Variants in LRFN2 observed in about 807,000 individuals in gnomAD.
LRFN2 encodes the protein leucine-rich repeat and fibronectin type-III domain-containing protein 2.
LRFN2 carries 18 observed loss-of-function variants against 37.3 expected under a neutral mutation model. The observed-to-expected ratio is 0.48, with a 90% CI of 0.33 to 0.72. The LOEUF is 0.72. Ranked by LOEUF, LRFN2 falls within the 30% of genes least tolerant of loss-of-function variation. The pLI, the probability that LRFN2 is intolerant of heterozygous loss-of-function variation, is 0.02. For missense variants in LRFN2, 1,006 were observed against 1,060.7 expected (o/e 0.95, Z 0.72); for synonymous variants, 556 against 466.6 (o/e 1.19, Z -2.47).
At position 40,494,385 on chromosome 6, in the gene LRFN2, G is replaced by A. The variant is rs1765172276; in HGVS notation, c.-18-61254C>T. Among the ~76,000 whole-genome samples, 3 of 152,160 alleles carry A rather than the reference G, an allele frequency of 2.0e-5. No homozygotes were observed. In the South Asian group the frequency reaches 6.2e-4, roughly 32 times the overall value. ...GTTTCCCCACCCCCGTTTCCAAAAG[G>A]TAGGGCTTCTTTCTTCTATTTAAGC... On this transcript the variant is annotated intron_variant, in intron 1 of 2. Coordinates refer to ENST00000338305, the MANE Select transcript of LRFN2 (RefSeq NM_020737.3).
chr6:40,553,967 G>T (rs527898878), intron 1 of LRFN2, among the ~76,000 whole-genome samples: 1 of 152,152 alleles, frequency 6.6e-6, no homozygotes, highest in Non-Finnish European at 1.5e-5. Context: ...CAGAGAGGCC[G>T]CTGTCTCTCC....
intron 2 of LRFN2, among the ~76,000 whole-genome samples, chr6:40,403,053 T>C (rs1237805756): frequency 6.6e-6 from 1 of 152,166 alleles, no homozygotes; most frequent in Non-Finnish European, 1.5e-5. Flanking sequence ...AGGTAGTAGA[T>C]AGGAGCCAGG....
intron 1 of LRFN2, among the ~76,000 whole-genome samples, chr6:40,435,052 TAGAGAGAGAGAGAGAGAG>T (rs1202054790): frequency 2.7e-3 from 103 of 37,530 alleles, no homozygotes; most frequent in African/African-American, 9.2e-3. Context: ...TATATATATA[TAGAGAGAGAGAGAGAGAG>T]AGAGAGAGAG....
intron 1 of LRFN2, among the ~76,000 whole-genome samples, chr6:40,499,971 A>G (rs1765333621): frequency 6.6e-6 from 1 of 152,254 alleles, no homozygotes; most frequent in Non-Finnish European, 1.5e-5. Flanking sequence ...TATGTATTTC[A>G]ATAGAGGAAG....
chr6:40,401,595 C>A (rs1384190461), intron 2 of LRFN2, among the ~76,000 whole-genome samples: 1 of 152,156 alleles, frequency 6.6e-6, no homozygotes, highest in Non-Finnish European at 1.5e-5. Context: ...CCTCCCCTGA[C>A]TAACAGACAC....
rs375540061 is a variant in LRFN2, at chr6:40,457,130, G to T, written c.-18-23999C>A. On this transcript the variant is annotated intron_variant, in intron 1 of 2. Coordinates refer to ENST00000338305, the MANE Select transcript of LRFN2 (RefSeq NM_020737.3). The stretch of plus-strand genomic sequence containing the variant: ...ATACCTGTTCTAATTCCTAGTCTCT[G>T]CTCACTAAGAATATCATCACCATAT... Among the ~76,000 whole-genome samples, 6 of 150,598 alleles carry T rather than the reference G, an allele frequency of 4.0e-5. No homozygotes were observed. In the East Asian group the frequency reaches 1.2e-3, roughly 30 times the overall value.
intron 1 of LRFN2, among the ~76,000 whole-genome samples, chr6:40,499,582 G>C (rs1765321981): frequency 6.6e-6 from 1 of 152,152 alleles, no homozygotes; most frequent in Non-Finnish European, 1.5e-5. Context: ...GCTTCGCAGG[G>C]CTCCTCTTCA....
intron 1 of LRFN2, among the ~76,000 whole-genome samples, chr6:40,573,106 C>T (rs151224659): frequency 4.4e-4 from 67 of 152,330 alleles, no homozygotes; most frequent in African/African-American, 1.5e-3. Flanking sequence ...CAGCTGAGAA[C>T]TCCTGATGAA....
chr6:40,468,008 C>A lies in LRFN2; in HGVS notation c.-18-34877G>T, dbSNP rs558615763. Among the ~76,000 whole-genome samples the A allele has an allele frequency of 2.7e-4, 41 of 152,240 alleles. 1 individual carries two copies. Among genetic ancestry groups the A allele is most frequent in the African/African-American group, 9.9e-4 (41 of 41,506 alleles). ...TCTGACAGGACATACTCATCCAGCT[C>A]CAGTCCCTGCTCATGACCTTCCTAA... On this transcript the variant is annotated intron_variant, in intron 1 of 2. Transcript: ENST00000338305.
intron 1 of LRFN2, among the ~76,000 whole-genome samples, chr6:40,546,424 C>T (rs1412681236): frequency 6.6e-6 from 1 of 152,190 alleles, no homozygotes; most frequent in African/African-American, 2.4e-5. Flanking sequence ...CCCATAGCTT[C>T]TTAAACCACC....
chr6:40,468,373 A>G (rs1341106858), intron 1 of LRFN2, among the ~76,000 whole-genome samples: 1 of 152,136 alleles, frequency 6.6e-6, no homozygotes, highest in Non-Finnish European at 1.5e-5. Context: ...CAGTAAAAAC[A>G]TGATAAGAAA....
intron 2 of LRFN2, among the ~76,000 whole-genome samples, chr6:40,419,407 C>T (rs1763169258): frequency 6.6e-6 from 1 of 152,230 alleles, no homozygotes; most frequent in Middle Eastern, 3.4e-3. Flanking sequence ...GAACCACTAC[C>T]CCTCTCCTGG....
intron 1 of LRFN2, among the ~76,000 whole-genome samples, chr6:40,585,131 A>T (rs1767478592): frequency 6.6e-6 from 1 of 152,168 alleles, no homozygotes; most frequent in South Asian, 2.1e-4. Flanking sequence ...GTTCTTCTAG[A>T]CAGGAGATGG....
chr6:40,470,941 A>G (rs1210308162), intron 1 of LRFN2, among the ~76,000 whole-genome samples: 1 of 152,218 alleles, frequency 6.6e-6, no homozygotes, highest in Non-Finnish European at 1.5e-5. Context: ...CCCTCATCCT[A>G]CGGAGGATTG....
At chr6:40,436,750 G>T (rs75745636) in intron 1 of LRFN2, among the ~76,000 whole-genome samples, 67 of 152,024 alleles carry the variant, frequency 4.4e-4, no homozygotes, top group Non-Finnish European at 8.2e-4. Context: ...TGGCCTTCTT[G>T]GTCTCTACTT....
At chr6:40,395,361 C>T (rs1248931416) in intron 2 of LRFN2, among the ~76,000 whole-genome samples, 1 of 152,166 alleles carries the variant, frequency 6.6e-6, no homozygotes, top group African/African-American at 2.4e-5. Context: ...AGCATTTTTC[C>T]TCATTTCAGT....
intron 1 of LRFN2, among the ~76,000 whole-genome samples, chr6:40,582,680 A>T (rs1767425268): frequency 6.6e-6 from 1 of 150,674 alleles, no homozygotes; most frequent in African/African-American, 2.5e-5. Flanking sequence ...TACCTTCTAT[A>T]CAACCCTCAG....
intron 1 of LRFN2, among the ~76,000 whole-genome samples, chr6:40,570,862 A>G (rs1214321182): frequency 6.6e-6 from 1 of 152,246 alleles, no homozygotes; most frequent in Non-Finnish European, 1.5e-5. Flanking sequence ...AGACATGGGG[A>G]GAAGGCACAA....
chr6:40,421,303 A>G (rs938151680), intron 2 of LRFN2, among the ~76,000 whole-genome samples: 1 of 152,168 alleles, frequency 6.6e-6, no homozygotes, highest in Non-Finnish European at 1.5e-5. Context: ...AAGGTTAAGG[A>G]CATGCCCATG....
Sources: gnomAD v4.1 joint callset for allele counts (sites outside exome capture counted in the v4.1 genomes callset) on GRCh38, gnomAD v4.1.1 for gene constraint, MANE v1.5 for transcripts, NCBI Gene and HGNC (gene_info 2026-07-23, HGNC 2026-07-21) for gene names.